The following MAP3K20 variants were observed in gnomAD, a reference collection of about 807,000 sequenced individuals.
MAP3K20 encodes the protein HCCS-4.
MAP3K20 carries 40 observed loss-of-function variants against 85.7 expected under a neutral mutation model. The observed-to-expected ratio is 0.47, with a 90% CI of 0.36 to 0.61. The LOEUF is 0.61. MAP3K20 is among the 20% of genes least tolerant of loss of function. MAP3K20 has a pLI of 0.00. For synonymous variants in MAP3K20, 325 were observed against 327.7 expected (o/e 0.99, Z 0.09); for missense variants, 817 against 961.7 (o/e 0.85, Z 1.99).
intron 8 of MAP3K20, among the ~76,000 whole-genome samples, chr2:173,200,251 C>A (rs553540014): frequency 1.5e-4 from 23 of 152,268 alleles, no homozygotes; most frequent in African/African-American, 5.1e-4. Context: ...AAGAAGGTAT[C>A]TTCATTTCAC....
chr2:173,075,668 C>G (rs1441318833), upstream of MAP3K20: 31 of 940,054 alleles, frequency 3.3e-5, no homozygotes, highest in Non-Finnish European at 3.7e-5. Flanking sequence ...CACAGCAAGG[C>G]AGGTGTGTCT....
chr2:173,220,080 G>GAAAAAAAAAAAAAAAAAA (rs76443589), intron 11 of MAP3K20, among the ~76,000 whole-genome samples: 1 of 85,502 alleles, frequency 1.2e-5, no homozygotes, highest in East Asian at 5.1e-4. Context: ...AAAAAAAAAG[G>GAAAAAAAAAAAAAAAAAA]AAACTGATCC....
intron 11 of MAP3K20, chr2:173,224,525 G>A: frequency 1.0e-6 from 1 of 984,882 alleles, no homozygotes. Flanking sequence ...TTTCTTTACT[G>A]CTGCCATTTT....
At chr2:173,131,948 A>G (rs1688630293) in intron 2 of MAP3K20, among the ~76,000 whole-genome samples, 1 of 152,178 alleles carries the variant, frequency 6.6e-6, no homozygotes, top group Non-Finnish European at 1.5e-5. Flanking sequence ...TCCTAATTTC[A>G]TCCCTAACTC....
chr2:173,080,278 C>G (rs960143676), intron 1 of MAP3K20, among the ~76,000 whole-genome samples: 2 of 152,152 alleles, frequency 1.3e-5, no homozygotes, highest in Admixed American at 6.5e-5. Context: ...GCCACTGTAT[C>G]AATGTGGTAA....
intron 2 of MAP3K20, among the ~76,000 whole-genome samples, chr2:173,093,872 A>G (rs970803390): frequency 1.3e-5 from 2 of 151,956 alleles, no homozygotes; most frequent in African/African-American, 4.8e-5. Context: ...CATCATTCTC[A>G]GTAAACTATC....
chr2:173,144,166 T>G (rs1195676184), intron 2 of MAP3K20, among the ~76,000 whole-genome samples: 1 of 148,968 alleles, frequency 6.7e-6, no homozygotes, highest in Non-Finnish European at 1.5e-5. Context: ...GAAAAGAAAA[T>G]AAAAGAAAGA....
intron 2 of MAP3K20, among the ~76,000 whole-genome samples, chr2:173,107,285 C>T (rs2106167716): frequency 6.6e-6 from 1 of 152,210 alleles, no homozygotes; most frequent in African/African-American, 2.4e-5. Flanking sequence ...GCGAGGGCTG[C>T]CGGGGAGGGC....
chr2:173,236,674 C>T (rs1339568184), intron 14 of MAP3K20, among the ~76,000 whole-genome samples: 1 of 152,120 alleles, frequency 6.6e-6, no homozygotes, highest in Non-Finnish European at 1.5e-5. Context: ...CAGGTGACCA[C>T]TAAACTCAGC....
At chr2:173,190,831 TC>T (rs1690625191) in intron 5 of MAP3K20, 63 bp from the exon 6 acceptor site, 4 of 1,391,482 alleles carry the variant, frequency 2.9e-6, no homozygotes, top group Admixed American at 2.1e-5. Flanking sequence ...ATGGTTTTTT[TC>T]AGTAGAAGAC....
chr2:173,141,864 T>TA (rs1226699781), intron 2 of MAP3K20, among the ~76,000 whole-genome samples: 1 of 152,012 alleles, frequency 6.6e-6, no homozygotes, highest in Non-Finnish European at 1.5e-5. Flanking sequence ...AAGGAAGCAA[T>TA]ACCAGTTACT....
intron 2 of MAP3K20, among the ~76,000 whole-genome samples, chr2:173,140,611 A>G (rs1024200977): frequency 1.3e-5 from 2 of 152,194 alleles, no homozygotes; most frequent in African/African-American, 2.4e-5. Flanking sequence ...TGGCCTCCCA[A>G]AGTGCTGGGA....
At chr2:173,177,514 C>G (rs2106259422) in intron 3 of MAP3K20, among the ~76,000 whole-genome samples, 1 of 138,574 alleles carries the variant, frequency 7.2e-6, no homozygotes, top group South Asian at 2.3e-4. Context: ...GCGCCATCAT[C>G]TCGGCTCACT....
In MAP3K20 at chr2:173,097,740, C is replaced by A. The variant is rs559018878; in HGVS notation, c.159+6550C>A. Among the ~76,000 whole-genome samples the A allele has an allele frequency of 2.9e-4, 44 of 152,126 alleles. No individual in the cohort carries two copies. In the East Asian group the frequency reaches 8.1e-3, roughly 28 times the overall value. ...ATATTTATAGATAAGGAGAGAAGAT[C>A]AACATGTCAAACTGGTTATAATAAC... On this transcript the variant is annotated intron_variant, in intron 2 of 19. Transcript: ENST00000375213.
chr2:173,172,330 G>GTT (rs11384409), intron 3 of MAP3K20, among the ~76,000 whole-genome samples: 107 of 149,214 alleles, frequency 7.2e-4, no homozygotes, highest in Middle Eastern at 3.4e-3. Flanking sequence ...ATTTGAGGTA[G>GTT]TTTTTTTTTT....
intron 14 of MAP3K20, among the ~76,000 whole-genome samples, chr2:173,233,762 GC>G (rs1452340259): frequency 6.6e-6 from 1 of 152,112 alleles, no homozygotes; most frequent in African/African-American, 2.4e-5. Context: ...CTCCATTAAG[GC>G]CCAAAGAGAG....
At chr2:173,258,993 A>G (rs1484200659) in intron 17 of MAP3K20, among the ~76,000 whole-genome samples, 178 bp downstream of exon 17, 1 of 152,236 alleles carries the variant, frequency 6.6e-6, no homozygotes, top group African/African-American at 2.4e-5. Context: ...GGTTTTTGTT[A>G]AAATTCTACT....
chr2:173,076,334 G>T (rs1339218096), intron 1 of MAP3K20, among the ~76,000 whole-genome samples: 1 of 152,142 alleles, frequency 6.6e-6, no homozygotes, highest in Non-Finnish European at 1.5e-5. Flanking sequence ...AGGCCGGAGC[G>T]GCCCCGGCTT....
At chr2:173,217,440 A>G (rs538937136) in intron 11 of MAP3K20, among the ~76,000 whole-genome samples, 190 bp downstream of exon 11, 1 of 152,370 alleles carries the variant, frequency 6.6e-6, no homozygotes, top group South Asian at 2.1e-4. Context: ...ATAAAATGCC[A>G]GAGATTTAAA....
Sources: allele counts gnomAD v4.1 joint callset (sites outside exome capture counted in the v4.1 genomes callset), GRCh38; gene constraint gnomAD v4.1.1; transcripts MANE v1.5; gene names NCBI Gene and HGNC (gene_info 2026-07-23, HGNC 2026-07-21).